Variants in SGMS1 observed in about 807,000 individuals in gnomAD.
The protein encoded by SGMS1 is sphingomyelin synthase 1, also known as phosphatidylcholine:ceramide cholinephosphotransferase 1.
SGMS1 carries 13 observed loss-of-function variants against 46.2 expected under a neutral mutation model. That is an observed-to-expected ratio of 0.28 (90% CI 0.18 to 0.45). SGMS1 has a LOEUF of 0.45. SGMS1 is among the 20% of genes least tolerant of loss of function. The pLI is 1.00. For missense variants in SGMS1, 324 were observed against 519.9 expected (o/e 0.62, Z 3.66); for synonymous variants, 203 against 187.8 (o/e 1.08, Z -0.66).
At chr10:50,341,715 C>A (rs1307120799) in intron 7 of SGMS1, among the ~76,000 whole-genome samples, 1 of 109,548 alleles carries the variant, frequency 9.1e-6, no homozygotes, top group African/African-American at 3.9e-5. Flanking sequence ...TTAATTTTGT[C>A]AAATCAACTG....
At chr10:50,341,953 C>G (rs972774354) in intron 7 of SGMS1, among the ~76,000 whole-genome samples, 2 of 152,050 alleles carry the variant, frequency 1.3e-5, no homozygotes, top group Non-Finnish European at 2.9e-5. Context: ...GATTCTGATT[C>G]GTAACTGTTA....
chr10:50,490,741 T>A (rs1837560130), intron 3 of SGMS1, among the ~76,000 whole-genome samples: 1 of 152,166 alleles, frequency 6.6e-6, no homozygotes, highest in Admixed American at 6.5e-5. Context: ...AATTTCCTCA[T>A]CCATAAAACA....
At chr10:50,618,395 C>T (rs1838817878) in intron 1 of SGMS1, among the ~76,000 whole-genome samples, 1 of 152,040 alleles carries the variant, frequency 6.6e-6, no homozygotes, top group South Asian at 2.1e-4. Flanking sequence ...TTACCATTGA[C>T]AAAGTTGATA....
At chr10:50,556,589 C>T (rs969611838) in intron 2 of SGMS1, among the ~76,000 whole-genome samples, 1 of 152,054 alleles carries the variant, frequency 6.6e-6, no homozygotes, top group African/African-American at 2.4e-5. Flanking sequence ...GCACAATGAG[C>T]CAAGGGAACA....
chr10:50,594,757 G>A (rs1022470271), intron 1 of SGMS1, among the ~76,000 whole-genome samples: 5 of 152,314 alleles, frequency 3.3e-5, no homozygotes, highest in Admixed American at 2.0e-4. Flanking sequence ...CTCAATTTGA[G>A]TAGGAAGGAA....
At chr10:50,341,394 T>C (rs758738940) in intron 7 of SGMS1, 2 of 455,994 alleles carry the variant, frequency 4.4e-6, no homozygotes, top group Non-Finnish European at 8.8e-6. Flanking sequence ...TGGACGATGC[T>C]TAGGAAGATC....
intron 6 of SGMS1, among the ~76,000 whole-genome samples, chr10:50,383,566 G>A (rs1446434120): frequency 6.6e-6 from 1 of 152,084 alleles, no homozygotes; most frequent in Non-Finnish European, 1.5e-5. Context: ...ATAATCTGGA[G>A]ACCCAGGATG....
chr10:50,411,119 G>A (rs1033556442), intron 6 of SGMS1, among the ~76,000 whole-genome samples: 10 of 152,150 alleles, frequency 6.6e-5, no homozygotes, highest in African/African-American at 2.4e-4. Context: ...CGTGGTAGAA[G>A]CCAATAATTC....
chr10:50,461,820 A>G (rs1052552576), intron 4 of SGMS1, among the ~76,000 whole-genome samples: 1 of 152,196 alleles, frequency 6.6e-6, no homozygotes, highest in Non-Finnish European at 1.5e-5. Context: ...AGTCCCAAGG[A>G]CTTACTTAGG....
At chr10:50,364,680 T>C (rs1432127178) in intron 6 of SGMS1, among the ~76,000 whole-genome samples, 2 of 152,212 alleles carry the variant, frequency 1.3e-5, no homozygotes, top group Non-Finnish European at 2.9e-5. Context: ...CCATAAACTT[T>C]ACATACATGT....
chr10:50,507,132 G>T (rs910174817), intron 3 of SGMS1, among the ~76,000 whole-genome samples: 2 of 152,164 alleles, frequency 1.3e-5, no homozygotes, highest in African/African-American at 4.8e-5. Flanking sequence ...CTGGCCAAAA[G>T]CTCTATCCCT....
intron 2 of SGMS1, among the ~76,000 whole-genome samples, chr10:50,549,910 T>A (rs1588874079): frequency 6.6e-6 from 1 of 152,288 alleles, no homozygotes; most frequent in South Asian, 2.1e-4. Flanking sequence ...CCAGAATTCC[T>A]CTCTGCCATC....
intron 1 of SGMS1, among the ~76,000 whole-genome samples, chr10:50,594,825 G>A (rs1447719321): frequency 6.6e-6 from 1 of 152,164 alleles, no homozygotes; most frequent in African/African-American, 2.4e-5. Context: ...AGAAACAATG[G>A]CAGTAGATAA....
chr10:50,439,566 T>C (rs1849515797), intron 5 of SGMS1, among the ~76,000 whole-genome samples: 1 of 152,154 alleles, frequency 6.6e-6, no homozygotes, highest in Non-Finnish European at 1.5e-5. Flanking sequence ...ATGAAATCAA[T>C]GGCATCAAAA....
intron 2 of SGMS1, among the ~76,000 whole-genome samples, chr10:50,543,311 GCACTTTAACA>G (rs1023469256): frequency 1.1e-4 from 16 of 152,194 alleles, no homozygotes; most frequent in Non-Finnish European, 2.1e-4. Context: ...ATAAGGCAGG[GCACTTTAACA>G]CATCCACACA....
At chr10:50,336,873 T>C (rs1443209611) in intron 7 of SGMS1, among the ~76,000 whole-genome samples, 2 of 152,242 alleles carry the variant, frequency 1.3e-5, no homozygotes, top group East Asian at 3.8e-4. Flanking sequence ...ACATTAATGC[T>C]TACTACTCTA....
chr10:50,322,426 G>A (rs1847460185), intron 8 of SGMS1, among the ~76,000 whole-genome samples: 1 of 152,138 alleles, frequency 6.6e-6, no homozygotes, highest in Admixed American at 6.5e-5. Flanking sequence ...TTTATTTTAA[G>A]GAGTTTGTTA....
intron 1 of SGMS1, among the ~76,000 whole-genome samples, chr10:50,598,105 T>C (rs1214354377): frequency 2.2e-5 from 3 of 138,508 alleles, no homozygotes; most frequent in African/African-American, 5.3e-5. Flanking sequence ...AAAATTCATA[T>C]GTTGAAACCC....
intron 2 of SGMS1, among the ~76,000 whole-genome samples, chr10:50,556,234 C>T (rs1305298387): frequency 6.6e-6 from 1 of 152,230 alleles, no homozygotes; most frequent in East Asian, 1.9e-4. Flanking sequence ...CAAATAACTA[C>T]AGAGCCTCTA....
Sources: gnomAD v4.1 joint callset for allele counts (sites outside exome capture counted in the v4.1 genomes callset) on GRCh38, gnomAD v4.1.1 for gene constraint, MANE v1.5 for transcripts, NCBI Gene and HGNC (gene_info 2026-07-23, HGNC 2026-07-21) for gene names.